Variants in PLPP1 observed in about 807,000 individuals in gnomAD.
PLPP1 encodes phospholipid phosphatase 1.
A neutral mutation model predicts 31.2 loss-of-function variants in PLPP1; 24 were observed. The observed-to-expected ratio is 0.77, with a 90% CI of 0.56 to 1.08. The LOEUF is 1.08. Ranked by LOEUF, PLPP1 falls within the 50% of genes least tolerant of loss-of-function variation. The probability of loss-of-function intolerance (pLI) is 0.00; values close to 1 mark genes in which losing one functional copy is unlikely to be tolerated. For synonymous variants in PLPP1, 146 were observed against 126.3 expected (o/e 1.16, Z -1.05); for missense variants, 319 against 342.7 (o/e 0.93, Z 0.55).
At chr5:55,504,289 C>G (rs1320687727) in intron 1 of PLPP1, among the ~76,000 whole-genome samples, 1 of 150,350 alleles carries the variant, frequency 6.7e-6, no homozygotes, top group Non-Finnish European at 1.5e-5. Context: ...TGCTTGAACC[C>G]AGGAGGCGGA....
At chr5:55,503,598 A>G (rs1753192473) in intron 1 of PLPP1, among the ~76,000 whole-genome samples, 1 of 149,950 alleles carries the variant, frequency 6.7e-6, no homozygotes, top group African/African-American at 2.5e-5. Flanking sequence ...CAACATGGTA[A>G]AACCCCATCT....
At chr5:55,457,630 C>T (rs1393257332) in intron 3 of PLPP1, among the ~76,000 whole-genome samples, 2 of 152,146 alleles carry the variant, frequency 1.3e-5, no homozygotes, top group Non-Finnish European at 2.9e-5. Context: ...GGGGCTCACG[C>T]CTGTAATCCC....
At chr5:55,451,963 T>C (rs1342657640) in intron 3 of PLPP1, among the ~76,000 whole-genome samples, 1 of 152,130 alleles carries the variant, frequency 6.6e-6, no homozygotes, top group Non-Finnish European at 1.5e-5. Flanking sequence ...CCCATTTTAG[T>C]ATATTTAAAG....
rs994342709 is a variant in PLPP1 at position 55,534,802 on chromosome 5, G to T, written c.-173C>A. ...GCTGAGACCGGGCGGCGCTCCCACC[G>T]CCAGCAATGGCGCCCGGGGCCCTCC... On this transcript the variant is annotated 5_prime_UTR_variant, in exon 1 of 6. Coordinates refer to ENST00000307259, the MANE Select transcript of PLPP1 (RefSeq NM_003711.4). 5.0e-6 allele frequency: 3 copies of T among 601,632 alleles called. No homozygotes were observed. The highest frequency in any genetic ancestry group is 4.0e-5 in the African/African-American group (2 of 50,356). The allele number at this position is 601,632 out of a possible 1,614,324, so 37.3% of individuals were successfully genotyped here. A position where few individuals can be genotyped will look rare whatever the true frequency, so the allele number is the denominator to read the frequency against.
At position 55,534,587 on chromosome 5, in the gene PLPP1, G is replaced by T. The variant is rs1241738554; in HGVS notation, c.43C>A (p.Leu15Ile). 33 of 1,556,822 alleles carry T rather than the reference G, an allele frequency of 2.1e-5. No individual in the cohort carries two copies. Among genetic ancestry groups the T allele is most frequent in the Non-Finnish European group, 2.8e-5 (32 of 1,153,532 alleles). Residue 15 changes from leucine to isoleucine, a missense_variant, in exon 1 of 6, where the codon CTC becomes ATC. Leu to Ile is a conservative substitution (Grantham distance 5, BLOSUM62 2). Coordinates refer to ENST00000307259, the MANE Select transcript of PLPP1 (RefSeq NM_003711.4). Reference sequence around the variant, plus strand: ...GCGTACGTACCCAGCAACACGCAGAGCACATCGAGGGCCACGTACGGCAGC... The same window carrying T: ...GCGTACGTACCCAGCAACACGCAGATCACATCGAGGGCCACGTACGGCAGC... ...TRLPYVALDV[L>I]CVLLAGLPFA... is the part of the protein sequence containing the mutation.
At chr5:55,432,428 A>C (rs1054964091) in intron 4 of PLPP1, among the ~76,000 whole-genome samples, 1 of 152,126 alleles carries the variant, frequency 6.6e-6, no homozygotes, top group African/African-American at 2.4e-5. Flanking sequence ...TCCAGGACCA[A>C]ATGGCTTTAT....
chr5:55,486,679 C>T (rs1013786356), intron 1 of PLPP1, among the ~76,000 whole-genome samples: 6 of 152,028 alleles, frequency 3.9e-5, no homozygotes, highest in African/African-American at 1.2e-4. Flanking sequence ...CTTTGGGAGG[C>T]CGAGGCGGGC....
chr5:55,462,972 C>CAA (rs35024647), intron 3 of PLPP1, among the ~76,000 whole-genome samples: 4 of 141,248 alleles, frequency 2.8e-5, no homozygotes, highest in Non-Finnish European at 4.6e-5. Flanking sequence ...GACTCCATCT[C>CAA]AAAAAAAAAA....
At chr5:55,430,937 G>A (rs956341634) in intron 4 of PLPP1, among the ~76,000 whole-genome samples, 2 of 152,084 alleles carry the variant, frequency 1.3e-5, no homozygotes, top group Admixed American at 6.5e-5. Context: ...TTCATTGAAT[G>A]AAATATAAAA....
chr5:55,521,997 C>T (rs910023527), intron 1 of PLPP1, among the ~76,000 whole-genome samples: 2 of 152,290 alleles, frequency 1.3e-5, no homozygotes, highest in South Asian at 4.1e-4. Context: ...CAGAATCTGC[C>T]GTGACAAGCT....
chr5:55,453,456 G>A (rs1414323031), intron 3 of PLPP1, among the ~76,000 whole-genome samples: 1 of 152,128 alleles, frequency 6.6e-6, no homozygotes, highest in Non-Finnish European at 1.5e-5. Flanking sequence ...CTTGGGCAGT[G>A]TCAAAGAACA....
At chr5:55,443,177 T>TAAAAAAAAAAAA (rs1178247543) in intron 3 of PLPP1, among the ~76,000 whole-genome samples, 9 of 51,016 alleles carry the variant, frequency 1.8e-4, no homozygotes, top group Admixed American at 3.1e-4. Context: ...AAGGATTACT[T>TAAAAAAAAAAAA]AAAAAAAAAA....
At chr5:55,512,886 G>A (rs182281646) in intron 1 of PLPP1, among the ~76,000 whole-genome samples, 72 of 152,262 alleles carry the variant, frequency 4.7e-4, no homozygotes, top group African/African-American at 1.6e-3. Flanking sequence ...TTCTTCAAAC[G>A]CTTGTCAAAA....
chr5:55,480,248 C>A (rs1444152786), intron 1 of PLPP1, among the ~76,000 whole-genome samples: 1 of 152,022 alleles, frequency 6.6e-6, no homozygotes, highest in Non-Finnish European at 1.5e-5. Flanking sequence ...TTTCTTATTA[C>A]TTGAGCTGGC....
intron 1 of PLPP1, among the ~76,000 whole-genome samples, chr5:55,502,393 A>T (rs1338891485): frequency 6.6e-6 from 1 of 152,110 alleles, no homozygotes; most frequent in African/African-American, 2.4e-5. Flanking sequence ...AGGCTGAGGC[A>T]GGAGAATCAC....
chr5:55,484,017 T>C lies in PLPP1; in HGVS notation c.59-8567A>G, dbSNP rs188936408. ...ATAGACAGTGACAAAGGCTCTTTAGTTGACTAAACATTAGTTAACCAGCTG... is the reference window on the plus strand; with the variant it reads ...ATAGACAGTGACAAAGGCTCTTTAGCTGACTAAACATTAGTTAACCAGCTG... On this transcript the variant is annotated intron_variant, in intron 1 of 5. Coordinates refer to ENST00000307259, the MANE Select transcript of PLPP1 (RefSeq NM_003711.4). Among the ~76,000 whole-genome samples the C allele has an allele frequency of 3.8e-3, 584 of 152,296 alleles. 3 individuals are homozygous for C. Among genetic ancestry groups the C allele is most frequent in the Non-Finnish European group, 4.8e-3 (326 of 68,028 alleles).
At chr5:55,512,394 C>T (rs1385880359) in intron 1 of PLPP1, among the ~76,000 whole-genome samples, 1 of 150,986 alleles carries the variant, frequency 6.6e-6, no homozygotes, top group Non-Finnish European at 1.5e-5. Flanking sequence ...TCACTTGAAC[C>T]CGGGAAGTGG....
At chr5:55,430,801 G>A (rs139511136) in intron 4 of PLPP1, among the ~76,000 whole-genome samples, 5 of 152,124 alleles carry the variant, frequency 3.3e-5, no homozygotes, top group Non-Finnish European at 5.9e-5. Context: ...AATTGAAAAA[G>A]CTCAGTGAGA....
intron 2 of PLPP1, 60 bp from the exon 3 acceptor site, chr5:55,468,209 A>G: frequency 7.1e-7 from 1 of 1,406,378 alleles, no homozygotes; most frequent in South Asian, 1.4e-5. Flanking sequence ...TAAACAAAAC[A>G]AAACATAGGG....
Sources: gnomAD v4.1 joint callset for allele counts (sites outside exome capture counted in the v4.1 genomes callset) on GRCh38, gnomAD v4.1.1 for gene constraint, MANE v1.5 for transcripts, NCBI Gene and HGNC (gene_info 2026-07-23, HGNC 2026-07-21) for gene names.